Variants in GALNT13 observed in about 807,000 individuals in gnomAD.
The protein encoded by GALNT13 is polypeptide N-acetylgalactosaminyltransferase 13.
In GALNT13, 28 loss-of-function variants were observed where a neutral mutation model predicts 64.2. The observed-to-expected ratio is 0.44, with a 90% CI of 0.32 to 0.60. GALNT13 has a LOEUF of 0.60. GALNT13 is among the 20% of genes least tolerant of loss of function. The pLI is 0.05. For synonymous variants in GALNT13, 214 were observed against 224.6 expected (o/e 0.95, Z 0.42); for missense variants, 577 against 669.8 (o/e 0.86, Z 1.53).
intron 2 of GALNT13, among the ~76,000 whole-genome samples, chr2:153,913,330 A>AT (rs1292115332): frequency 6.6e-6 from 1 of 152,168 alleles, no homozygotes; most frequent in African/African-American, 2.4e-5. Flanking sequence ...GCAGTGGTAT[A>AT]GCAGGGTGCG....
At chr2:153,915,901 C>G (rs1689302956) in intron 2 of GALNT13, among the ~76,000 whole-genome samples, 1 of 152,106 alleles carries the variant, frequency 6.6e-6, no homozygotes, top group Non-Finnish European at 1.5e-5. Context: ...TTCTACCTAC[C>G]CATCATTACT....
At chr2:153,920,242 G>C (rs986827707) in intron 2 of GALNT13, among the ~76,000 whole-genome samples, 1 of 151,700 alleles carries the variant, frequency 6.6e-6, no homozygotes, top group African/African-American at 2.4e-5. Context: ...GCATTCAGAG[G>C]CTACAGTAAT....
At chr2:153,901,924 C>T (rs140357385) in intron 2 of GALNT13, among the ~76,000 whole-genome samples, 4 of 152,198 alleles carry the variant, frequency 2.6e-5, no homozygotes, top group African/African-American at 9.6e-5. Context: ...TTTTTAGTTG[C>T]TTTTTGCAGT....
chr2:153,992,895 A>G (rs968063776), intron 3 of GALNT13, among the ~76,000 whole-genome samples: 1 of 152,206 alleles, frequency 6.6e-6, no homozygotes, highest in Non-Finnish European at 1.5e-5. Context: ...AAGTAAACTA[A>G]TATTCATTTT....
chr2:153,478,207 G>A, the GALNT13 span: 4 of 1,576,614 alleles, frequency 2.5e-6, no homozygotes, highest in Admixed American at 5.2e-5. Context: ...GCAGGCGTGG[G>A]AGCGGTTGCC....
At chr2:153,241,905 G>T in the GALNT13 span, among the ~76,000 whole-genome samples, 2 of 151,966 alleles carry the variant, frequency 1.3e-5, no homozygotes, top group Non-Finnish European at 2.9e-5. Flanking sequence ...AGCATGACAG[G>T]CTGGTCAGTT....
the GALNT13 span, among the ~76,000 whole-genome samples, chr2:153,086,717 AT>A: frequency 7.9e-6 from 1 of 126,870 alleles, no homozygotes; most frequent in African/African-American, 2.6e-5. Flanking sequence ...TATTTTATTT[AT>A]TTTATTTTAT....
the GALNT13 span, among the ~76,000 whole-genome samples, chr2:153,601,504 A>G: frequency 6.6e-6 from 1 of 151,190 alleles, no homozygotes; most frequent in African/African-American, 2.4e-5. Flanking sequence ...AAATTTCACC[A>G]TTTTTCTTTT....
chr2:153,631,427 A>G, the GALNT13 span, among the ~76,000 whole-genome samples: 2 of 152,224 alleles, frequency 1.3e-5, no homozygotes, highest in Admixed American at 6.5e-5. Context: ...AGTCCTATCA[A>G]CAGTGTAAAG....
At chr2:153,519,711 T>G in the GALNT13 span, among the ~76,000 whole-genome samples, 1 of 152,158 alleles carries the variant, frequency 6.6e-6, no homozygotes, top group Non-Finnish European at 1.5e-5. Context: ...CTCAACCTTA[T>G]TTTTTCTCCT....
At chr2:153,630,709 G>T in the GALNT13 span, among the ~76,000 whole-genome samples, 44,603 of 116,600 alleles carry the variant, frequency 0.38, 9,680 homozygotes, top group Middle Eastern at 0.59. Context: ...AATTCAAGAT[G>T]GATTAAAGAA....
At chr2:153,187,921 G>A in the GALNT13 span, among the ~76,000 whole-genome samples, 1 of 151,956 alleles carries the variant, frequency 6.6e-6, no homozygotes, top group African/African-American at 2.4e-5. Context: ...GAATATAAGG[G>A]TTTAACATTG....
the GALNT13 span, among the ~76,000 whole-genome samples, chr2:153,079,385 A>G: frequency 2.0e-5 from 3 of 152,206 alleles, no homozygotes; most frequent in Non-Finnish European, 2.9e-5. Context: ...AGCAGTTACA[A>G]TACAATTTAT....
At chr2:153,714,297 A>G in the GALNT13 span, among the ~76,000 whole-genome samples, 1 of 152,232 alleles carries the variant, frequency 6.6e-6, no homozygotes, top group South Asian at 2.1e-4. Flanking sequence ...AAAAAGCTAG[A>G]GACCTGTTCT....
At chr2:153,726,017 G>A in the GALNT13 span, among the ~76,000 whole-genome samples, 1 of 151,710 alleles carries the variant, frequency 6.6e-6, no homozygotes, top group African/African-American at 2.4e-5. Flanking sequence ...TGATTATTAT[G>A]TAAGTTATTA....
At chr2:153,622,199 T>C in the GALNT13 span, among the ~76,000 whole-genome samples, 1 of 152,050 alleles carries the variant, frequency 6.6e-6, no homozygotes, top group African/African-American at 2.4e-5. Context: ...ATTCTTACTA[T>C]ATTATAGTTC....
At chr2:153,467,620 C>T in the GALNT13 span, among the ~76,000 whole-genome samples, 2 of 152,080 alleles carry the variant, frequency 1.3e-5, no homozygotes, top group African/African-American at 4.8e-5. Context: ...CATGGGAATG[C>T]GATGATGTAA....
chr2:154,148,754 C>A (rs1383998198), intron 4 of GALNT13, among the ~76,000 whole-genome samples: 3 of 152,144 alleles, frequency 2.0e-5, no homozygotes, highest in Non-Finnish European at 4.4e-5. Flanking sequence ...ATGTCCTTCG[C>A]CCAGTTTTTG....
intron 4 of GALNT13, among the ~76,000 whole-genome samples, chr2:154,174,188 C>T (rs1338633978): frequency 1.3e-5 from 2 of 152,130 alleles, no homozygotes; most frequent in African/African-American, 4.8e-5. Flanking sequence ...AGTCTCAACC[C>T]CTTCACTGAT....
Sources: allele counts gnomAD v4.1 joint callset (sites outside exome capture counted in the v4.1 genomes callset), GRCh38; gene constraint gnomAD v4.1.1; transcripts MANE v1.5; gene names NCBI Gene and HGNC (gene_info 2026-07-23, HGNC 2026-07-21).